MKNK1: variants seen among roughly 807,000 people sequenced by gnomAD.
The protein encoded by MKNK1 is MAP kinase-interacting serine/threonine-protein kinase 1.
In MKNK1, 30 loss-of-function variants were observed where a neutral mutation model predicts 49.3. The ratio of observed to expected loss-of-function variants is 0.61; its 90% CI spans 0.46 to 0.83. The LOEUF (loss-of-function observed/expected upper bound fraction) is 0.83, where lower values mean the gene tolerates loss of function less well. Among genes scored for constraint, MKNK1 ranks in the 40% least tolerant of loss-of-function variants. The pLI, the probability that MKNK1 is intolerant of heterozygous loss-of-function variation, is 0.00. For synonymous variants in MKNK1, 176 were observed against 201.7 expected (o/e 0.87, Z 1.08); for missense variants, 423 against 524.7 (o/e 0.81, Z 1.89).
chr1:46,572,009 G>A (rs1006450663), intron 7 of MKNK1, 54 bp downstream of exon 7: 49 of 1,535,606 alleles, frequency 3.2e-5, no homozygotes, highest in Admixed American at 2.0e-4. Context: ...ACCTCCCTTG[G>A]TACCCAGAGG....
At position 46,562,657 on chromosome 1, in the gene MKNK1, C is replaced by T. The variant is rs1365121686; in HGVS notation, c.796G>A (p.Val266Met). 1 of 1,552,952 alleles carries T rather than the reference C, an allele frequency of 6.4e-7. No homozygotes were observed. Among genetic ancestry groups the T allele is most frequent in the East Asian group, 2.4e-5 (1 of 41,154 alleles). Residue 266 changes from valine (V) to methionine (M), a missense_variant, in exon 10 of 13, where the codon GTG (valine) becomes ATG (methionine). Transcript: ENST00000371945. The stretch of plus-strand genomic sequence containing the variant: ...CCTGGGGCCGCACTCACCTGGCACA[C>T]CCTGCAGACCTCGCCCCGGTCCCAG... ...CGWDRGEVCR[V>M]CQNKLFESIQ...
chr1:46,576,305 C>T, intron 5 of MKNK1: 1 of 348,536 alleles, frequency 2.9e-6, no homozygotes, highest in Non-Finnish European at 5.3e-6. Flanking sequence ...ACCCCATTTC[C>T]CCCCAACAAC....
chr1:46,588,938 C>T (rs1331660231), intron 2 of MKNK1, among the ~76,000 whole-genome samples: 1 of 152,240 alleles, frequency 6.6e-6, no homozygotes, highest in African/African-American at 2.4e-5. Context: ...AGCTGCTTAG[C>T]TTCTCTGAGG....
At chr1:46,573,370 A>G (rs1484803071) in intron 6 of MKNK1, among the ~76,000 whole-genome samples, 5 of 152,246 alleles carry the variant, frequency 3.3e-5, no homozygotes, top group Non-Finnish European at 4.4e-5. Context: ...CATTTCAAAC[A>G]TGTAATTAAC....
chr1:46,572,103 C>T lies in MKNK1; in HGVS notation c.417G>A (p.Val139=). 1 of 1,614,200 alleles carries T rather than the reference C, an allele frequency of 6.2e-7. No individual in the cohort carries two copies. The highest frequency in any genetic ancestry group is 8.5e-7 in the Non-Finnish European group (1 of 1,180,028). The part of the protein sequence containing the change: ...HFNEREASRV[V]RDVAAALDFL... The stretch of plus-strand genomic sequence containing the variant: ...AGTCAAGGGCAGCAGCAACGTCCCG[C>T]ACCACTCGGCTGGCTTCTCGCTCAT... The change falls in exon 7 of 13, where the codon GTG becomes GTA. Residue 139 remains valine (V), a synonymous_variant. Transcript: ENST00000371945.
At position 46,558,084 on chromosome 1, in the gene MKNK1, C is replaced by T. The variant is rs1445248520; in HGVS notation, c.*491G>A. Reference sequence around the variant, plus strand: ...GAATTGAGGGGATGGCTTTGCTCAGCCAAGGGAGAAGACGGGCAAAGAGGA... The same window carrying T: ...GAATTGAGGGGATGGCTTTGCTCAGTCAAGGGAGAAGACGGGCAAAGAGGA... On this transcript the variant is annotated 3_prime_UTR_variant, in exon 13 of 13. Coordinates refer to ENST00000371945, the MANE Select transcript of MKNK1 (RefSeq NM_001135553.4). 6.4e-6 allele frequency: 1 copy of T among 155,736 alleles called. No individual in the cohort carries two copies. The highest frequency in any genetic ancestry group is 1.4e-5 in the Non-Finnish European group (1 of 70,118). The allele number at this position is 155,736 out of a possible 1,614,324, so 9.6% of individuals were successfully genotyped here.
intron 5 of MKNK1, 38 bp from the exon 6 acceptor site, chr1:46,575,058 G>C: frequency 1.5e-6 from 2 of 1,331,738 alleles, no homozygotes; most frequent in Non-Finnish European, 2.2e-6. Flanking sequence ...GAAAAGGGGG[G>C]AAATGGTATT....
At chr1:46,559,927 C>T (rs1667637393) in intron 12 of MKNK1, 1 of 489,340 alleles carries the variant, frequency 2.0e-6, no homozygotes, top group Non-Finnish European at 3.7e-6. Context: ...GTGTGAATAA[C>T]CCATGGGTAA....
intron 4 of MKNK1, among the ~76,000 whole-genome samples, chr1:46,577,947 C>T (rs959375512): frequency 3.9e-5 from 6 of 152,202 alleles, no homozygotes; most frequent in Non-Finnish European, 8.8e-5. Context: ...CAAACTTCTC[C>T]GATATGATGT....
intron 7 of MKNK1, among the ~76,000 whole-genome samples, chr1:46,570,778 G>A (rs2148630425): frequency 6.6e-6 from 1 of 152,340 alleles, no homozygotes; most frequent in South Asian, 2.1e-4. Context: ...GAGGATGGAG[G>A]AAATCGTTAT....
intron 8 of MKNK1, among the ~76,000 whole-genome samples, chr1:46,567,117 A>T (rs1298591207): frequency 1.3e-5 from 2 of 152,044 alleles, no homozygotes; most frequent in Non-Finnish European, 2.9e-5. Context: ...TAATTTTTAA[A>T]TTTTTTGTGG....
intron 7 of MKNK1, chr1:46,569,287 G>A (rs1451719305): frequency 6.6e-6 from 1 of 152,292 alleles, no homozygotes; most frequent in African/African-American, 2.4e-5. Context: ...GAAGGCGACT[G>A]GAGATAGCAG....
chr1:46,590,701 T>C (rs1313897183), intron 2 of MKNK1, among the ~76,000 whole-genome samples: 2 of 152,202 alleles, frequency 1.3e-5, no homozygotes, highest in Non-Finnish European at 2.9e-5. Flanking sequence ...ATGCTTTTGT[T>C]TATAAACCTT....
intron 6 of MKNK1, 60 bp from the exon 7 acceptor site, chr1:46,572,227 T>G (rs1207196195): frequency 7.0e-7 from 1 of 1,438,608 alleles, no homozygotes; most frequent in Non-Finnish European, 9.7e-7. Flanking sequence ...TATAAGTTTT[T>G]TTTTTAGACG....
Position 46,561,446 on chromosome 1 carries a change from G to A in MKNK1, c.969+32C>T, listed in dbSNP as rs373780899. On this transcript the variant is annotated intron_variant, in intron 11 of 12. Coordinates refer to ENST00000371945, the MANE Select transcript of MKNK1 (RefSeq NM_001135553.4). ...TGTGGCCATGCCACAGGCCTGAAGT[G>A]GTGGAAAACACCCCTCCCTGGAGTC... 2.5e-6 allele frequency: 4 copies of A among 1,577,732 alleles called. No individual in the cohort carries two copies. The African/African-American group carries it at 5.4e-5, about 21-fold the overall frequency.
At position 46,577,481 on chromosome 1, in the gene MKNK1, A is replaced by AAAATAAATAAAT. The variant is rs538490314; in HGVS notation, c.199-839_199-828dup. ...AAGTAACAGAGAGACTCCATCTCAA[A>AAAATAAATAAAT]AAATAAATAAATAAATAAATAAATA... is the stretch of plus-strand genomic sequence containing the variant. On this transcript the variant is annotated intron_variant, in intron 4 of 12. Coordinates refer to ENST00000371945, the MANE Select transcript of MKNK1 (RefSeq NM_001135553.4). 6.0e-4 allele frequency among the ~76,000 whole-genome samples: 91 copies of AAAATAAATAAAT among 152,100 alleles called. 1 individual carries two copies. In the South Asian group the frequency reaches 0.018, roughly 31 times the overall value.
rs755195066 is a variant in MKNK1 at position 46,560,293 on chromosome 1, C to T, written c.970-16G>A. The T allele has an allele frequency of 6.2e-7, 1 of 1,613,992 alleles. No homozygotes were observed. The highest frequency in any genetic ancestry group is 8.5e-7 in the Non-Finnish European group (1 of 1,179,896). On this transcript the variant is annotated splice_polypyrimidine_tract_variant and intron_variant, in intron 11 of 12. Transcript: ENST00000371945. ...CTGGAGCTTGCTAGAATGGGAAGGACAGATGTGTAGGTAAAGCACTGCTCC... is the reference window on the plus strand; with the variant it reads ...CTGGAGCTTGCTAGAATGGGAAGGATAGATGTGTAGGTAAAGCACTGCTCC...
chr1:46,578,887 C>T (rs1241286614), intron 4 of MKNK1, among the ~76,000 whole-genome samples: 1 of 152,072 alleles, frequency 6.6e-6, no homozygotes, highest in East Asian at 1.9e-4. Flanking sequence ...TCCCAGGTAG[C>T]TGGGATTACA....
Position 46,589,624 on chromosome 1 carries a change from A to G in MKNK1, c.-3+4489T>C, listed in dbSNP as rs114754105. 4.8e-3 allele frequency among the ~76,000 whole-genome samples: 737 copies of G among 152,326 alleles called. 7 individuals are homozygous for G. The highest frequency in any genetic ancestry group is 0.017 in the African/African-American group (709 of 41,570). ...ACTGAAGGTATAGTAAGTGTGAAGG[A>G]TACAGATCCAGGAATCATCCTGGTT... On this transcript the variant is annotated intron_variant, in intron 2 of 12. Transcript: ENST00000371945. The surrounding 1 kb of genome is among the most constrained non-coding windows in gnomAD (Gnocchi z 4.3).
Sources: allele counts gnomAD v4.1 joint callset (sites outside exome capture counted in the v4.1 genomes callset), GRCh38; gene constraint gnomAD v4.1.1; non-coding constraint Gnocchi (gnomAD v3.1); transcripts MANE v1.5; gene names NCBI Gene and HGNC (gene_info 2026-07-23, HGNC 2026-07-21).